Variants in GLB1L2 observed in about 807,000 individuals in gnomAD.
GLB1L2 encodes beta-galactosidase-1-like protein 2.
Under a neutral mutation model 84.1 loss-of-function variants are expected in GLB1L2, and 68 were observed. The observed-to-expected ratio is 0.81, with a 90% CI of 0.67 to 0.99. GLB1L2 has a LOEUF of 0.99. Ranked by LOEUF, GLB1L2 falls within the 50% of genes least tolerant of loss-of-function variation. The probability of loss-of-function intolerance (pLI) is 0.00; values close to 1 mark genes in which losing one functional copy is unlikely to be tolerated. For synonymous variants in GLB1L2, 290 were observed against 318.0 expected (o/e 0.91, Z 0.94); for missense variants, 762 against 805.6 (o/e 0.95, Z 0.66).
intron 1 of GLB1L2, among the ~76,000 whole-genome samples, chr11:134,335,562 A>G (rs1943373059): frequency 6.6e-6 from 1 of 152,148 alleles, no homozygotes; most frequent in Admixed American, 6.5e-5. Flanking sequence ...GGACCATGCT[A>G]GCCACCAGCA....
In GLB1L2 at chr11:134,370,536, G is replaced by A; in HGVS notation, c.1215+137G>A. Reference sequence around the variant, plus strand: ...CAGGGCCTGGAGCCCCTCCAGACAGGGAGTGTGGGGGGAGGCAGGCCAGTG... The same window carrying A: ...CAGGGCCTGGAGCCCCTCCAGACAGAGAGTGTGGGGGGAGGCAGGCCAGTG... On this transcript the variant is annotated intron_variant, in intron 12 of 18. Transcript: ENST00000535456. The surrounding 1 kb of genome is among the most constrained non-coding windows in gnomAD (Gnocchi z 4.7). 1 of 671,578 alleles carries A rather than the reference G, an allele frequency of 1.5e-6. No homozygotes were observed. The highest frequency in any genetic ancestry group is 2.6e-6 in the Non-Finnish European group (1 of 382,430). The allele number at this position is 671,578 out of a possible 1,614,324, so 41.6% of individuals were successfully genotyped here.
intron 9 of GLB1L2, among the ~76,000 whole-genome samples, chr11:134,368,159 T>G (rs2136286507): frequency 6.6e-6 from 1 of 152,382 alleles, no homozygotes; most frequent in South Asian, 2.1e-4. Flanking sequence ...CTGCATTTCT[T>G]TGATTTATAT....
intron 8 of GLB1L2, chr11:134,364,723 C>A: frequency 3.2e-6 from 1 of 310,124 alleles, no homozygotes; most frequent in East Asian, 6.2e-5. Context: ...GAAGGAAAAA[C>A]TTCCCTGTCC....
intron 7 of GLB1L2, 69 bp from the exon 8 acceptor site, chr11:134,364,258 TG>T: frequency 1.6e-6 from 2 of 1,218,972 alleles, no homozygotes; most frequent in Non-Finnish European, 1.2e-6. Context: ...GAGAAGGGTC[TG>T]GGGTCACCTA....
In GLB1L2 at chr11:134,342,958, G is replaced by C; in HGVS notation, c.284+7G>C. On this transcript the variant is annotated splice_region_variant and intron_variant, in intron 2 of 18. Coordinates refer to ENST00000535456, the MANE Select transcript of GLB1L2 (RefSeq NM_001370461.1). ...GCTTGAACACCCTCACCACGTAGGT[G>C]CTGCCCCTGTCCCCCCGGAGCCTGG... is the stretch of plus-strand genomic sequence containing the variant. 1 of 1,604,868 alleles carries C rather than the reference G, an allele frequency of 6.2e-7. No homozygotes were observed. Among genetic ancestry groups the C allele is most frequent in the Non-Finnish European group, 8.5e-7 (1 of 1,174,060 alleles).
intron 13 of GLB1L2, 33 bp from the exon 14 acceptor site, chr11:134,371,388 G>A (rs1157618222): frequency 7.1e-7 from 1 of 1,398,776 alleles, no homozygotes; most frequent in South Asian, 1.2e-5. Flanking sequence ...CCTCCTGTTG[G>A]TCATGGATGT....
chr11:134,351,657 T>G (rs1024546959), intron 5 of GLB1L2, among the ~76,000 whole-genome samples: 2 of 152,326 alleles, frequency 1.3e-5, no homozygotes, highest in Non-Finnish European at 2.9e-5. Flanking sequence ...CATTGATTGC[T>G]TTTCACATGG....
At chr11:134,351,778 G>A (rs1943638225) in intron 5 of GLB1L2, among the ~76,000 whole-genome samples, 1 of 152,136 alleles carries the variant, frequency 6.6e-6, no homozygotes, top group Non-Finnish European at 1.5e-5. Context: ...TTTGGCATCA[G>A]TATTCATCAG....
chr11:134,371,114 G>T lies in GLB1L2; in HGVS notation c.1322G>T (p.Gly441Val), dbSNP rs1943946748. The part of the protein sequence containing the change: ...ILYETSITSS[G>V]ILSGHVHDRG... ...TATGAGACCAGCATCACCTCGTCTGGCATCCTCAGTGGCCACGTGCATGAT... is the reference window on the plus strand; with the variant it reads ...TATGAGACCAGCATCACCTCGTCTGTCATCCTCAGTGGCCACGTGCATGAT... The change falls in exon 13 of 19, where the codon GGC (glycine) becomes GTC (valine). Residue 441 changes from glycine (G) to valine (V), a missense_variant. This residue lies in a region of GLB1L2 where 603 missense variants were observed against 611.7 expected (regional missense o/e 0.99). Coordinates refer to ENST00000535456, the MANE Select transcript of GLB1L2 (RefSeq NM_001370461.1). The T allele has an allele frequency of 6.2e-7, 1 of 1,614,072 alleles. No homozygotes were observed. The highest frequency in any genetic ancestry group is 8.5e-7 in the Non-Finnish European group (1 of 1,180,036).
intron 5 of GLB1L2, among the ~76,000 whole-genome samples, chr11:134,348,691 C>A (rs1943584053): frequency 6.6e-6 from 1 of 152,172 alleles, no homozygotes; most frequent in African/African-American, 2.4e-5. Flanking sequence ...GTGCTCATCT[C>A]CACAGCCTTA....
In GLB1L2 at chr11:134,369,839, C is replaced by T. The variant is rs933349506; in HGVS notation, c.1062C>T (p.Tyr354=). 1 of 1,613,500 alleles carries T rather than the reference C, an allele frequency of 6.2e-7. No individual in the cohort carries two copies. Among genetic ancestry groups the T allele is most frequent in the Non-Finnish European group, 8.5e-7 (1 of 1,179,548 alleles). ...YDAVLTEAGD[Y]TAKYMKLRDF... ...CTGTGCTGACAGAAGCCGGCGATTA[C>T]ACGGCCAAGTACATGAAGCTTCGAG... is the stretch of plus-strand genomic sequence containing the variant. Residue 354 remains tyrosine, a synonymous_variant, in exon 11 of 19, where the codon TAC becomes TAT. Transcript: ENST00000535456.
At position 134,371,771 on chromosome 11, in the gene GLB1L2, T is replaced by A. The variant is rs771592768; in HGVS notation, c.1448T>A (p.Ile483Asn). ...CGGCAGGGTTACACCGTGCTGAGGA[T>A]CTTGGTGGAGAATCGTGGGCGAGTC... ...PLIQGYTVLR[I>N]LVENRGRVNY... The change falls in exon 15 of 19, where the codon ATC (isoleucine) becomes AAC (asparagine). Residue 483 changes from isoleucine (I) to asparagine (N), a missense_variant. Physicochemically the swap from Ile to Asn is moderately radical, Grantham distance 149 (BLOSUM62 -3). Around this residue, in one of 3 missense-constraint regions of GLB1L2, gnomAD observed 603 missense variants for 611.7 expected, o/e 0.99. Transcript: ENST00000535456. 37 of 1,613,962 alleles carry A rather than the reference T, an allele frequency of 2.3e-5. No homozygotes were observed. The South Asian group carries it at 3.4e-4, about 15-fold the overall frequency.
In GLB1L2 at chr11:134,339,697, C is replaced by T. The variant is rs979426488; in HGVS notation, c.87-3057C>T. Reference sequence around the variant, plus strand: ...AAGCTCTATCCAGGGAGGGAGTCTACGTAGTGTCCAAGGAGAAGACGCAGA... The same window carrying T: ...AAGCTCTATCCAGGGAGGGAGTCTATGTAGTGTCCAAGGAGAAGACGCAGA... On this transcript the variant is annotated intron_variant, in intron 1 of 18. Coordinates refer to ENST00000535456, the MANE Select transcript of GLB1L2 (RefSeq NM_001370461.1). The surrounding 1 kb of genome is among the most constrained non-coding windows in gnomAD (Gnocchi z 5.7). Among the ~76,000 whole-genome samples, 2 of 151,820 alleles carry T rather than the reference C, an allele frequency of 1.3e-5. No individual in the cohort carries two copies. Among genetic ancestry groups the T allele is most frequent in the South Asian group, 2.1e-4 (1 of 4,810 alleles).
chr11:134,368,637 C>G lies in GLB1L2; in HGVS notation c.890-7C>G, dbSNP rs372904369. 6 of 1,613,510 alleles carry G rather than the reference C, an allele frequency of 3.7e-6. No individual in the cohort carries two copies. The highest frequency in any genetic ancestry group is 5.1e-6 in the Non-Finnish European group (6 of 1,179,910). On this transcript the variant is annotated splice_polypyrimidine_tract_variant and splice_region_variant and intron_variant, in intron 9 of 18. Transcript: ENST00000535456. The stretch of plus-strand genomic sequence containing the variant: ...TCTGCACATCCCCTTTCTCCCTCCT[C>G]CGGCAGAGGTTTTGAAAACCGTGTC...
At chr11:134,369,376 T>C (rs1356846626) in intron 10 of GLB1L2, among the ~76,000 whole-genome samples, 1 of 152,142 alleles carries the variant, frequency 6.6e-6, no homozygotes, top group Non-Finnish European at 1.5e-5. Context: ...AAATTTTTTG[T>C]AGAGGTGGGG....
rs373525902 is a variant in GLB1L2, at chr11:134,345,062, G to A, written c.382G>A (p.Gly128Arg). Residue 128 changes from glycine to arginine, a missense_variant, in exon 4 of 19, where the codon GGG becomes AGG. This residue lies in a region of GLB1L2 where 59 missense variants were observed against 105.1 expected (regional missense o/e 0.56). Coordinates refer to ENST00000535456, the MANE Select transcript of GLB1L2 (RefSeq NM_001370461.1). ...CTTCGTCCTGATGGCCGCAGAGATC[G>A]GGCTGTGGGTGATTCTGCGTCCAGG... ...EAFVLMAAEI[G>R]LWVILRPGPY... 2.0e-4 allele frequency: 330 copies of A among 1,613,396 alleles called. No individual in the cohort carries two copies. Among genetic ancestry groups the A allele is most frequent in the Non-Finnish European group, 2.4e-4 (282 of 1,179,564 alleles).
intron 16 of GLB1L2, 58 bp from the exon 17 acceptor site, chr11:134,374,087 T>C (rs1943993179): frequency 7.6e-7 from 1 of 1,313,774 alleles, no homozygotes; most frequent in Non-Finnish European, 1.1e-6. Context: ...TTTTGCTTTA[T>C]TGTGCTGGTG....
At chr11:134,353,415 A>T (rs1021628071) in intron 5 of GLB1L2, among the ~76,000 whole-genome samples, 4 of 152,018 alleles carry the variant, frequency 2.6e-5, no homozygotes, top group Admixed American at 2.0e-4. Flanking sequence ...GTTTTTTTTT[A>T]AAAAAGAAAA....
intron 10 of GLB1L2, 78 bp downstream of exon 10, chr11:134,368,859 G>A (rs957799897): frequency 6.6e-7 from 1 of 1,511,744 alleles, no homozygotes; most frequent in African/African-American, 1.4e-5. Flanking sequence ...GAGGCCCTCA[G>A]GGTCAACTTC....
Sources: allele counts gnomAD v4.1 joint callset (sites outside exome capture counted in the v4.1 genomes callset), GRCh38; gene constraint gnomAD v4.1.1; regional missense constraint gnomAD v4.1.1; non-coding constraint Gnocchi (gnomAD v3.1); transcripts MANE v1.5; gene names NCBI Gene and HGNC (gene_info 2026-07-23, HGNC 2026-07-21).